The following CSMD1 variants were observed in gnomAD, a reference collection of about 807,000 sequenced individuals.
CSMD1 encodes the protein CUB and Sushi multiple domains 1.
In CSMD1, 213 loss-of-function variants were observed where a neutral mutation model predicts 417.5. The observed-to-expected ratio is 0.51, with a 90% CI of 0.46 to 0.57. CSMD1 has a LOEUF of 0.57. CSMD1 is among the 20% of genes least tolerant of loss of function. The pLI is 0.00. For synonymous variants in CSMD1, 2,862 were observed against 1,736.8 expected, an observed-to-expected ratio of 1.65 and a Z score of -16.11; for missense variants, 6,923 against 4,529.7, an observed-to-expected ratio of 1.53 and a Z score of -15.17.
intron 2 of CSMD1, among the ~76,000 whole-genome samples, chr8:4,595,381 C>G (rs1339056189): frequency 6.6e-6 from 1 of 151,914 alleles, no homozygotes; most frequent in Non-Finnish European, 1.5e-5. Flanking sequence ...TTGATGCATT[C>G]ATTTTCATTC....
chr8:4,763,664 A>G (rs1485944800), intron 1 of CSMD1, among the ~76,000 whole-genome samples: 2 of 152,204 alleles, frequency 1.3e-5, no homozygotes, highest in African/African-American at 4.8e-5. Flanking sequence ...TGAGATATAA[A>G]TAAAGATTGA....
At position 3,407,918 on chromosome 8, in the gene CSMD1, C is replaced by T. The variant is rs755136474; in HGVS notation, c.2052G>A (p.Gly684=). 3 of 1,610,690 alleles carry T rather than the reference C, an allele frequency of 1.9e-6. No individual in the cohort carries two copies. Among genetic ancestry groups the T allele is most frequent in the Admixed American group, 1.7e-5 (1 of 59,770 alleles). ...ACTTACTGGTGTAAGTGATGTTGAACCCTCTGCCAGTAGTGGAATGGTCAG... is the reference window on the plus strand; with the variant it reads ...ACTTACTGGTGTAAGTGATGTTGAATCCTCTGCCAGTAGTGGAATGGTCAG... ...FQSDHSTTGR[G]FNITYTTFGQ... Residue 684 remains glycine (G), a synonymous_variant, in exon 14 of 70, where the codon GGG becomes GGA. Coordinates refer to ENST00000635120, the MANE Select transcript of CSMD1 (RefSeq NM_033225.6).
Position 3,201,648 on chromosome 8 carries a change from C to T in CSMD1, c.5062G>A (p.Ala1688Thr). ...AELFDGTHAQ[A>T]RLLSSLSGSH... Reference sequence around the variant, plus strand: ...CCCGAGAGTGAGCTGAGAAGTCTGGCCTGTGCATGGGTTCCATCAAATAAT... The same window carrying T: ...CCCGAGAGTGAGCTGAGAAGTCTGGTCTGTGCATGGGTTCCATCAAATAAT... The change falls in exon 32 of 70, where the codon GCC becomes ACC. Residue 1688 changes from alanine (A) to threonine (T), a missense_variant. Coordinates refer to ENST00000635120, the MANE Select transcript of CSMD1 (RefSeq NM_033225.6). The T allele has an allele frequency of 6.2e-6, 10 of 1,605,608 alleles. No individual in the cohort carries two copies. The highest frequency in any genetic ancestry group is 7.7e-6 in the Non-Finnish European group (9 of 1,175,958).
intron 5 of CSMD1, among the ~76,000 whole-genome samples, chr8:3,811,638 G>C (rs913566858): frequency 4.6e-5 from 7 of 152,092 alleles, no homozygotes; most frequent in Non-Finnish European, 8.8e-5. Context: ...GCTCAAGTCA[G>C]GCCATTCCTT....
At chr8:4,761,655 T>A (rs527293932) in intron 1 of CSMD1, among the ~76,000 whole-genome samples, 1 of 152,088 alleles carries the variant, frequency 6.6e-6, no homozygotes, top group Admixed American at 6.6e-5. Flanking sequence ...CAGAAGCATA[T>A]AGACTACCTT....
intron 1 of CSMD1, among the ~76,000 whole-genome samples, chr8:4,925,846 C>T (rs2117167055): frequency 6.6e-6 from 1 of 152,216 alleles, no homozygotes; most frequent in East Asian, 1.9e-4. Context: ...CGCGCCTGGC[C>T]TCTATCTGGC....
intron 1 of CSMD1, among the ~76,000 whole-genome samples, chr8:4,830,288 G>C (rs1385363771): frequency 2.6e-5 from 4 of 152,084 alleles, no homozygotes; most frequent in Non-Finnish European, 5.9e-5. Context: ...GGAACCATGA[G>C]GTTTCTATTT....
At chr8:3,597,884 T>C (rs1205299621) in intron 8 of CSMD1, among the ~76,000 whole-genome samples, 2 of 152,182 alleles carry the variant, frequency 1.3e-5, no homozygotes, top group African/African-American at 4.8e-5. Flanking sequence ...ATACCTAATG[T>C]AAATGATGAG....
intron 1 of CSMD1, among the ~76,000 whole-genome samples, chr8:4,981,027 ATAGT>A (rs1810860739): frequency 6.6e-6 from 1 of 152,368 alleles, no homozygotes; most frequent in African/African-American, 2.4e-5. Flanking sequence ...GAAGGTTGAC[ATAGT>A]TAGAAGAAAC....
At chr8:3,133,181 CCCTTCTTGGCTGCTGCTGTCCTCCTGGG>C (rs1213675849) in intron 41 of CSMD1, among the ~76,000 whole-genome samples, 118 of 152,262 alleles carry the variant, frequency 7.7e-4, no homozygotes, top group African/African-American at 2.7e-3. Flanking sequence ...GACCTGGGGC[CCCTTCTTGGCTGCTGCTGTCCTCCTGGG>C]CCTTCTTGGC....
At chr8:4,869,566 G>C (rs1432492948) in intron 1 of CSMD1, among the ~76,000 whole-genome samples, 1 of 151,944 alleles carries the variant, frequency 6.6e-6, no homozygotes, top group East Asian at 1.9e-4. Flanking sequence ...GTTATGAAAA[G>C]CCTATTTTGT....
chr8:2,989,602 G>A (rs183524846), intron 54 of CSMD1, among the ~76,000 whole-genome samples: 9 of 152,256 alleles, frequency 5.9e-5, no homozygotes, highest in East Asian at 5.8e-4. Flanking sequence ...ATGCATCAAC[G>A]AATTTGTTTA....
intron 3 of CSMD1, among the ~76,000 whole-genome samples, chr8:4,113,619 T>C (rs373585217): frequency 6.6e-6 from 1 of 152,062 alleles, no homozygotes; most frequent in African/African-American, 2.4e-5. Context: ...TTAGCCAGGA[T>C]GGTCTTGAAC....
At chr8:3,829,263 G>C (rs1363863751) in intron 5 of CSMD1, among the ~76,000 whole-genome samples, 4 of 152,078 alleles carry the variant, frequency 2.6e-5, no homozygotes, top group African/African-American at 7.2e-5. Flanking sequence ...CCACATATGA[G>C]TGAGAAAATA....
chr8:4,477,710 G>C (rs1800879332), intron 2 of CSMD1, among the ~76,000 whole-genome samples: 1 of 152,090 alleles, frequency 6.6e-6, no homozygotes, highest in Non-Finnish European at 1.5e-5. Flanking sequence ...AACAACCTTT[G>C]TCAATTATGC....
chr8:4,160,803 A>C (rs1301325216), intron 3 of CSMD1, among the ~76,000 whole-genome samples: 2 of 152,246 alleles, frequency 1.3e-5, no homozygotes, highest in African/African-American at 4.8e-5. Context: ...AAGGTGGTGT[A>C]CTGTAAATAT....
chr8:4,001,483 G>C (rs932078545), intron 4 of CSMD1, among the ~76,000 whole-genome samples: 1 of 152,118 alleles, frequency 6.6e-6, no homozygotes, highest in Non-Finnish European at 1.5e-5. Flanking sequence ...TATTTTAACA[G>C]CTGACAGAAC....
chr8:4,259,276 G>C (rs2128839455), intron 3 of CSMD1, among the ~76,000 whole-genome samples: 1 of 152,164 alleles, frequency 6.6e-6, no homozygotes, highest in Admixed American at 6.5e-5. Context: ...CCCCCTCCCT[G>C]GCTGGCATTT....
At chr8:3,263,505 T>C (rs754910942) in intron 26 of CSMD1, among the ~76,000 whole-genome samples, 12 of 152,154 alleles carry the variant, frequency 7.9e-5, no homozygotes, top group Non-Finnish European at 1.3e-4. Flanking sequence ...TAATCAGTTA[T>C]TGGAAAGAGA....
Sources: gnomAD v4.1 joint callset for allele counts (sites outside exome capture counted in the v4.1 genomes callset) on GRCh38, gnomAD v4.1.1 for gene constraint, MANE v1.5 for transcripts, NCBI Gene and HGNC (gene_info 2026-07-23, HGNC 2026-07-21) for gene names.